Variants in PTCD1 observed in about 807,000 individuals in gnomAD.
The protein encoded by PTCD1 is pentatricopeptide repeat domain 1, also known as pentatricopeptide repeat-containing protein 1, mitochondrial.
A neutral mutation model predicts 53.4 loss-of-function variants in PTCD1; 50 were observed. The observed-to-expected ratio is 0.94, with a 90% confidence interval of 0.75 to 1.19. The LOEUF is 1.19. Ranked by LOEUF, PTCD1 falls within the 50% of genes most tolerant of loss-of-function variation. PTCD1 has a pLI of 0.00. For synonymous variants in PTCD1, 413 were observed against 394.8 expected, an observed-to-expected ratio of 1.05 and a Z score of -0.55; for missense variants, 918 against 904.8, an observed-to-expected ratio of 1.01 and a Z score of -0.19.
intron 3 of PTCD1, 35 bp from the exon 4 acceptor site, chr7:99,429,841 G>A (rs751221640): frequency 6.2e-7 from 1 of 1,611,772 alleles, no homozygotes. Context: ...GGTGGCCCGG[G>A]ATCAGCTGGA....
At chr7:99,435,663 G>GA (rs924276027) in intron 1 of PTCD1, among the ~76,000 whole-genome samples, 1 of 144,258 alleles carries the variant, frequency 6.9e-6, no homozygotes, top group Non-Finnish European at 1.5e-5. Context: ...AAGAAAGAAA[G>GA]AAAAAGAACA....
chr7:99,422,923 C>G (rs1795880320), intron 7 of PTCD1, among the ~76,000 whole-genome samples: 1 of 152,084 alleles, frequency 6.6e-6, no homozygotes, highest in Non-Finnish European at 1.5e-5. Flanking sequence ...CCAAGCTCAT[C>G]TACAAAACCT....
rs369876687 is a variant in PTCD1 at position 99,429,590 on chromosome 7, T to C, written c.811A>G (p.Lys271Glu). Residue 271 changes from lysine (K) to glutamate (E), a missense_variant and splice_region_variant, in exon 4 of 8, where the codon AAG (lysine) becomes GAG (glutamate). Lys to Glu is a moderately conservative substitution (Grantham distance 56, BLOSUM62 1). Transcript: ENST00000292478. ...CAGGACGGCAGGGGAAGCCCCACCT[T>C]GAACACATCGAGGCACATCCTAAGG... Reference protein sequence around the residue: ...ADLRMCLDVFKEIIHKGHVVT... With the variant: ...ADLRMCLDVFEEIIHKGHVVT... 8.7e-6 allele frequency: 14 copies of C among 1,614,052 alleles called. No homozygotes were observed. Among genetic ancestry groups the C allele is most frequent in the African/African-American group, 1.3e-5 (1 of 74,916 alleles).
Position 99,435,203 on chromosome 7 carries a change from G to A in PTCD1, c.40C>T (p.Arg14Cys), listed in dbSNP as rs757348286. Reference protein sequence around the residue: ...VRLARLFARARPMGLFILQHL... With the variant: ...VRLARLFARACPMGLFILQHL... ...TGCAGGATGAACAGTCCCATGGGGC[G>A]GGCCCTGGCGAACAGTCGAGCGAGT... Residue 14 changes from arginine (R) to cysteine (C), a missense_variant, in exon 2 of 8, where the codon CGC becomes TGC. Coordinates refer to ENST00000292478, the MANE Select transcript of PTCD1 (RefSeq NM_015545.4). The A allele has an allele frequency of 3.8e-5, 61 of 1,604,434 alleles. No homozygotes were observed. The highest frequency in any genetic ancestry group is 4.7e-5 in the Non-Finnish European group (55 of 1,179,938).
rs1279312489 is a variant in PTCD1, at chr7:99,429,109, G to A, written c.909C>T (p.Ala303=). 2 of 1,614,024 alleles carry A rather than the reference G, an allele frequency of 1.2e-6. No homozygotes were observed. The highest frequency in any genetic ancestry group is 1.7e-6 in the Non-Finnish European group (2 of 1,180,012). The change falls in exon 5 of 8, where the codon GCC becomes GCT. Residue 303 remains alanine, a synonymous_variant. Transcript: ENST00000292478. ...TGGGGTGGGAGGGACATACCTGGAG[G>A]GCGTACCGGAAGCCTGTCTTCTTGT... The part of the protein sequence containing the change: ...IQDKKTGFRY[A]LQVWRLMLSL...
intron 2 of PTCD1, among the ~76,000 whole-genome samples, chr7:99,433,893 A>T (rs1162739311): frequency 2.0e-5 from 3 of 151,924 alleles, no homozygotes; most frequent in Non-Finnish European, 4.4e-5. Context: ...CTCTACTAAA[A>T]ATACAAAAAT....
chr7:99,427,098 C>G (rs1796062743), intron 5 of PTCD1, among the ~76,000 whole-genome samples: 1 of 149,000 alleles, frequency 6.7e-6, no homozygotes, highest in Non-Finnish European at 1.5e-5. Context: ...GGTCAGCCCC[C>G]GCCAGGCCAG....
chr7:99,433,473 C>G, intron 2 of PTCD1, 55 bp from the exon 3 acceptor site: 1 of 1,613,074 alleles, frequency 6.2e-7, no homozygotes, highest in Admixed American at 1.7e-5. Context: ...AGACCCTCAG[C>G]AGAGAGAGGG....
intron 1 of PTCD1, among the ~76,000 whole-genome samples, chr7:99,435,867 G>A (rs955163201): frequency 6.6e-6 from 1 of 151,488 alleles, no homozygotes; most frequent in African/African-American, 2.4e-5. Flanking sequence ...CCCAGGAGAC[G>A]GAGCTTGCAG....
At position 99,435,285 on chromosome 7, in the gene PTCD1, A is replaced by G; in HGVS notation, c.-26-17T>C. 1 of 1,599,632 alleles carries G rather than the reference A, an allele frequency of 6.3e-7. No homozygotes were observed. The highest frequency in any genetic ancestry group is 8.5e-7 in the Non-Finnish European group (1 of 1,179,834). The stretch of plus-strand genomic sequence containing the variant: ...CTCCAGGGCCTGGAATATATCAGGA[A>G]AAATAAGAGAGTCAACTCAGTTCCT... On this transcript the variant is annotated splice_polypyrimidine_tract_variant and intron_variant, in intron 1 of 7. Coordinates refer to ENST00000292478, the MANE Select transcript of PTCD1 (RefSeq NM_015545.4).
chr7:99,424,853 T>C lies in PTCD1; in HGVS notation c.1679A>G (p.Asn560Ser), dbSNP rs772231526. 2.5e-5 allele frequency: 41 copies of C among 1,614,250 alleles called. No individual in the cohort carries two copies. In the Middle Eastern group the frequency reaches 4.9e-4, roughly 19 times the overall value. The change falls in exon 6 of 8, where the codon AAC becomes AGC. Residue 560 changes from asparagine (N) to serine (S), a missense_variant. Physicochemically the swap from Asn to Ser is conservative, Grantham distance 46 (BLOSUM62 1). Coordinates refer to ENST00000292478, the MANE Select transcript of PTCD1 (RefSeq NM_015545.4). ...GLVPNLQTFC[N>S]LAIGCHRPKD... ...CGGCCTGTGGCACCCGATGGCCAGGTTGCAGAATGTCTGCAGGTTGGGGAC... is the reference window on the plus strand; with the variant it reads ...CGGCCTGTGGCACCCGATGGCCAGGCTGCAGAATGTCTGCAGGTTGGGGAC...
chr7:99,429,583 C>A lies in PTCD1; in HGVS notation c.813+5G>T. 6.2e-7 allele frequency: 1 copy of A among 1,614,156 alleles called. No homozygotes were observed. Among genetic ancestry groups the A allele is most frequent in the Middle Eastern group, 1.6e-4 (1 of 6,062 alleles). ...AGGGGAGCAGGACGGCAGGGGAAGC[C>A]CCACCTTGAACACATCGAGGCACAT... On this transcript the variant is annotated splice_donor_5th_base_variant and intron_variant, in intron 4 of 7. Coordinates refer to ENST00000292478, the MANE Select transcript of PTCD1 (RefSeq NM_015545.4).
chr7:99,426,051 C>CGAGA (rs1203255319), intron 5 of PTCD1, among the ~76,000 whole-genome samples: 1 of 151,974 alleles, frequency 6.6e-6, no homozygotes, highest in East Asian at 1.9e-4. Flanking sequence ...GGTGACAGAG[C>CGAGA]GAGAGTGTCT....
rs113980826 is a variant in PTCD1 at position 99,420,754 on chromosome 7, C to T, written c.1921-605G>A. Among the ~76,000 whole-genome samples the T allele has an allele frequency of 6.9e-3, 1,055 of 152,176 alleles. 15 individuals carry two copies. The highest frequency in any genetic ancestry group is 0.024 in the African/African-American group (1,004 of 41,494). ...GGCAGATCACTTGAGGTCAGGAGTT[C>T]GAGACCAGCCTGGCCAGCATGGTGA... On this transcript the variant is annotated intron_variant, in intron 7 of 7. Transcript: ENST00000292478.
intron 5 of PTCD1, 135 bp downstream of exon 5, chr7:99,428,968 G>A: frequency 9.2e-7 from 1 of 1,082,524 alleles, no homozygotes; most frequent in Non-Finnish European, 1.4e-6. Flanking sequence ...GGCTACAGTG[G>A]CTGCTGGGTT....
Position 99,425,599 on chromosome 7 carries a change from C to G in PTCD1, c.933G>C (p.Leu311=), listed in dbSNP as rs747003564. 3.1e-6 allele frequency: 5 copies of G among 1,606,262 alleles called. No individual in the cohort carries two copies. The South Asian group carries it at 5.5e-5, about 18-fold the overall frequency. The part of the protein sequence containing the change: ...RYALQVWRLM[L]SLGLQPSRDS... ...CCCGGCTCGGCTGTAGCCCTAGACT[C>G]AGCATCAGCCGCCACACCTGCCACG... Residue 311 remains leucine, a synonymous_variant, in exon 6 of 8, where the codon CTG becomes CTC. Transcript: ENST00000292478.
chr7:99,438,766 G>GT lies in PTCD1; in HGVS notation c.-102dup, dbSNP rs1796610523. The GT allele has an allele frequency of 3.0e-6, 4 of 1,350,928 alleles. No individual in the cohort carries two copies. The Admixed American group carries it at 8.9e-5, about 30-fold the overall frequency. The allele number at this position is 1,350,928 out of a possible 1,614,324, so 83.7% of individuals were successfully genotyped here. A position where few individuals can be genotyped will look rare whatever the true frequency, so the allele number is the denominator to read the frequency against. ...CGCGGCGAACCAGTCTCTTCCTCGG[G>GT]TCCCCCTCTCCCCAAGCGCGCAGGC... On this transcript the variant is annotated 5_prime_UTR_variant, in exon 1 of 8. Coordinates refer to ENST00000292478, the MANE Select transcript of PTCD1 (RefSeq NM_015545.4).
chr7:99,423,736 G>A (rs1795914696), intron 7 of PTCD1, 39 bp downstream of exon 7: 1 of 1,612,570 alleles, frequency 6.2e-7, no homozygotes, highest in South Asian at 1.1e-5. Context: ...GGTAGCAATG[G>A]TGAAGGAGCT....
chr7:99,438,767 T>G lies in PTCD1; in HGVS notation c.-102A>C. Reference sequence around the variant, plus strand: ...GCGGCGAACCAGTCTCTTCCTCGGGTCCCCCTCTCCCCAAGCGCGCAGGCG... The same window carrying G: ...GCGGCGAACCAGTCTCTTCCTCGGGGCCCCCTCTCCCCAAGCGCGCAGGCG... On this transcript the variant is annotated 5_prime_UTR_variant, in exon 1 of 8. Transcript: ENST00000292478. 1 of 1,349,836 alleles carries G rather than the reference T, an allele frequency of 7.4e-7. No homozygotes were observed. The highest frequency in any genetic ancestry group is 1.2e-5 in the South Asian group (1 of 81,314). The allele number at this position is 1,349,836 out of a possible 1,614,324, so 83.6% of individuals were successfully genotyped here.
Sources: gnomAD v4.1 joint callset for allele counts (sites outside exome capture counted in the v4.1 genomes callset) on GRCh38, gnomAD v4.1.1 for gene constraint, MANE v1.5 for transcripts, NCBI Gene and HGNC (gene_info 2026-07-23, HGNC 2026-07-21) for gene names.